The following ENAH variants were observed in gnomAD, a reference collection of about 807,000 sequenced individuals.
ENAH encodes ENAH actin regulator, also known as protein enabled homolog.
In ENAH, 23 loss-of-function variants were observed where a neutral mutation model predicts 78.7. The ratio of observed to expected loss-of-function variants is 0.29; its 90% CI spans 0.21 to 0.41. The LOEUF (loss-of-function observed/expected upper bound fraction) is 0.41, where lower values mean the gene tolerates loss of function less well. Ranked by LOEUF, ENAH falls within the 10% of genes least tolerant of loss-of-function variation. ENAH has a pLI of 1.00. For synonymous variants in ENAH, 226 were observed against 241.0 expected, an observed-to-expected ratio of 0.94 and a Z score of 0.58; for missense variants, 544 against 691.0, an observed-to-expected ratio of 0.79 and a Z score of 2.39.
chr1:225,637,477 G>C (rs1420496877), intron 1 of ENAH, among the ~76,000 whole-genome samples: 1 of 152,188 alleles, frequency 6.6e-6, no homozygotes, highest in African/African-American at 2.4e-5. Flanking sequence ...AAAGTGCTGG[G>C]ATTACAGGCG....
chr1:225,626,427 G>A (rs573542791), intron 1 of ENAH, among the ~76,000 whole-genome samples: 2 of 152,234 alleles, frequency 1.3e-5, no homozygotes, highest in Admixed American at 6.5e-5. Context: ...CCTTTGGGAG[G>A]TGAATAGGTC....
intron 4 of ENAH, among the ~76,000 whole-genome samples, chr1:225,519,899 G>A (rs915247964): frequency 3.9e-5 from 6 of 152,134 alleles, no homozygotes; most frequent in Non-Finnish European, 2.9e-5. Context: ...TAATTATTTA[G>A]TGAAAACATT....
intron 10 of ENAH, among the ~76,000 whole-genome samples, chr1:225,509,008 T>C (rs2096356087): frequency 6.6e-6 from 1 of 152,218 alleles, no homozygotes; most frequent in Admixed American, 6.5e-5. Flanking sequence ...ATGAAGGCAT[T>C]AGATGTGAAA....
At chr1:225,517,769 C>T in intron 5 of ENAH, 1 of 1,551,100 alleles carries the variant, frequency 6.4e-7, no homozygotes, top group South Asian at 1.2e-5. Flanking sequence ...GGGTGGAAGG[C>T]TGAACCTAAA....
In ENAH at chr1:225,497,830, A is replaced by C; in HGVS notation, c.1676-18T>G. On this transcript the variant is annotated intron_variant, in intron 13 of 13. Coordinates refer to ENST00000366843, the MANE Select transcript of ENAH (RefSeq NM_018212.6). ...CCTGATTGCTGGATGGAAAAGAACAAGTATTGAAAATAAATATAATGATAA... is the reference window on the plus strand; with the variant it reads ...CCTGATTGCTGGATGGAAAAGAACACGTATTGAAAATAAATATAATGATAA... 6.2e-7 allele frequency: 1 copy of C among 1,607,108 alleles called. No individual in the cohort carries two copies. Among genetic ancestry groups the C allele is most frequent in the South Asian group, 1.1e-5 (1 of 90,764 alleles).
chr1:225,599,796 T>TAAAAAAAAA (rs34052384), intron 1 of ENAH, among the ~76,000 whole-genome samples: 5 of 82,970 alleles, frequency 6.0e-5, no homozygotes, highest in African/African-American at 2.6e-4. Flanking sequence ...GACTCCGTCT[T>TAAAAAAAAA]AAAAAAAAAA....
rs932635330 is a variant in ENAH, at chr1:225,535,604, C to T, written c.350-4966G>A. On this transcript the variant is annotated intron_variant, in intron 3 of 13. Coordinates refer to ENST00000366843, the MANE Select transcript of ENAH (RefSeq NM_018212.6). ...TGGTGTTAGAAGCTTCGAAGGACAA[C>T]GGGGCCATCTGAAGAACTTCACATA... is the stretch of plus-strand genomic sequence containing the variant. 1.5e-5 allele frequency: 18 copies of T among 1,195,438 alleles called. 1 individual carries two copies. Among genetic ancestry groups the T allele is most frequent in the South Asian group, 5.1e-5 (4 of 77,730 alleles). The allele number at this position is 1,195,438 out of a possible 1,614,324, so 74.1% of individuals were successfully genotyped here. A position where few individuals can be genotyped will look rare whatever the true frequency, so the allele number is the denominator to read the frequency against.
intron 1 of ENAH, among the ~76,000 whole-genome samples, chr1:225,650,266 TTAAA>T (rs1285686521): frequency 1.3e-5 from 2 of 152,244 alleles, no homozygotes; most frequent in African/African-American, 4.8e-5. Flanking sequence ...TGTAGACTGC[TTAAA>T]TAAACTTTTC....
intron 1 of ENAH, among the ~76,000 whole-genome samples, chr1:225,647,008 C>T (rs1054236662): frequency 1.3e-5 from 2 of 151,680 alleles, no homozygotes; most frequent in South Asian, 2.1e-4. Context: ...GGGCGCATCA[C>T]GAGGTCAGGA....
intron 1 of ENAH, among the ~76,000 whole-genome samples, chr1:225,618,532 T>C (rs145061822): frequency 2.6e-5 from 4 of 152,312 alleles, no homozygotes; most frequent in African/African-American, 9.6e-5. Flanking sequence ...TATCAACTTC[T>C]GCTTCATATT....
intron 1 of ENAH, among the ~76,000 whole-genome samples, chr1:225,638,865 A>G (rs1432526776): frequency 6.6e-6 from 1 of 152,256 alleles, no homozygotes; most frequent in East Asian, 1.9e-4. Flanking sequence ...TCTTAAAATC[A>G]AAGTTCATTA....
chr1:225,637,108 CTGTT>C (rs1262466103), intron 1 of ENAH, among the ~76,000 whole-genome samples: 6 of 152,190 alleles, frequency 3.9e-5, no homozygotes, highest in African/African-American at 9.7e-5. Context: ...CACTGCTGAA[CTGTT>C]TCTCGAGGGC....
In ENAH at chr1:225,492,954, A is replaced by G. The variant is rs1465890998; in HGVS notation, c.*4821T>C. 2.0e-5 allele frequency: 3 copies of G among 152,250 alleles called. No homozygotes were observed. Among genetic ancestry groups the G allele is most frequent in the Admixed American group, 2.0e-4 (3 of 15,282 alleles). The allele number at this position is 152,250 out of a possible 1,614,324, so 9.4% of individuals were successfully genotyped here. On this transcript the variant is annotated 3_prime_UTR_variant, in exon 14 of 14. Transcript: ENST00000366843. The stretch of plus-strand genomic sequence containing the variant: ...CAGTTGTCAAATGTGTCTCCTCACC[A>G]AAAGATTTTACTCTTATGTGACTTG...
chr1:225,624,754 C>T (rs1657636410), intron 1 of ENAH, among the ~76,000 whole-genome samples: 1 of 152,160 alleles, frequency 6.6e-6, no homozygotes, highest in Non-Finnish European at 1.5e-5. Flanking sequence ...ATGCTGTGAT[C>T]TCAACACTGG....
intron 1 of ENAH, among the ~76,000 whole-genome samples, chr1:225,589,812 T>C (rs2147866356): frequency 6.6e-6 from 1 of 152,174 alleles, no homozygotes; most frequent in Middle Eastern, 3.4e-3. Flanking sequence ...AACAGAAAAA[T>C]TCAACCATTC....
Position 225,647,054 on chromosome 1 carries a change from A to G in ENAH, c.5+5632T>C, listed in dbSNP as rs368530269. ...ATCCTGGCTAACATGTTGAAACCCC[A>G]TCTCTACTAAAAATACAAAAAATTA... On this transcript the variant is annotated intron_variant, in intron 1 of 13. Coordinates refer to ENST00000366843, the MANE Select transcript of ENAH (RefSeq NM_018212.6). Among the ~76,000 whole-genome samples the G allele has an allele frequency of 5.2e-4, 79 of 151,122 alleles. 2 individuals carry two copies. In the South Asian group the frequency reaches 0.016, roughly 31 times the overall value.
At chr1:225,548,740 T>G (rs1279240625) in intron 3 of ENAH, among the ~76,000 whole-genome samples, 2 of 152,202 alleles carry the variant, frequency 1.3e-5, no homozygotes, top group Non-Finnish European at 2.9e-5. Flanking sequence ...AAGGGAGGAC[T>G]GTGAGAGGTA....
intron 2 of ENAH, among the ~76,000 whole-genome samples, chr1:225,562,596 A>C (rs1422463404): frequency 5.4e-5 from 8 of 147,836 alleles, no homozygotes; most frequent in East Asian, 2.0e-4. Flanking sequence ...AAAAAAAAAA[A>C]AAAAAACACA....
Position 225,496,336 on chromosome 1 carries a change from C to T in ENAH, c.*1439G>A, listed in dbSNP as rs2151015056. 1 of 152,370 alleles carries T rather than the reference C, an allele frequency of 6.6e-6. No individual in the cohort carries two copies. The highest frequency in any genetic ancestry group is 2.4e-5 in the African/African-American group (1 of 41,578). The allele number at this position is 152,370 out of a possible 1,614,324, so 9.4% of individuals were successfully genotyped here. On this transcript the variant is annotated 3_prime_UTR_variant, in exon 14 of 14. Transcript: ENST00000366843. ...TGTCTAATTCCTTCTTCCCACCTTC[C>T]TTCTTCCCACCACCCAAGTCTCACT...
Sources: allele counts gnomAD v4.1 joint callset (sites outside exome capture counted in the v4.1 genomes callset), GRCh38; gene constraint gnomAD v4.1.1; transcripts MANE v1.5; gene names NCBI Gene and HGNC (gene_info 2026-07-23, HGNC 2026-07-21).